RARB: variants seen among roughly 807,000 people sequenced by gnomAD.
RARB encodes retinoic acid receptor beta, also known as HBV-activated protein.
RARB carries 17 observed loss-of-function variants against 51.9 expected under a neutral mutation model. The ratio of observed to expected loss-of-function variants is 0.33; its 90% CI spans 0.22 to 0.49. RARB has a LOEUF of 0.49. RARB is among the 20% of genes least tolerant of loss of function. RARB has a pLI of 0.99. For missense variants in RARB, 369 were observed against 550.8 expected (o/e 0.67, Z 3.30); for synonymous variants, 215 against 195.4 (o/e 1.10, Z -0.84).
At chr3:25,510,639 A>G (rs572108010) in intron 3 of RARB, among the ~76,000 whole-genome samples, 11 of 152,204 alleles carry the variant, frequency 7.2e-5, no homozygotes, top group South Asian at 4.1e-4. Flanking sequence ...AAAAAAATCT[A>G]TAATTATGTG....
At chr3:24,979,594 T>C (rs2125424333) in intron 2 of RARB, among the ~76,000 whole-genome samples, 1 of 151,696 alleles carries the variant, frequency 6.6e-6, no homozygotes, top group East Asian at 2.0e-4. Flanking sequence ...TTGTTTTTTG[T>C]TTTTTGTTTT....
chr3:25,128,681 C>T (rs573682400), intron 3 of RARB, among the ~76,000 whole-genome samples: 48 of 151,618 alleles, frequency 3.2e-4, no homozygotes, highest in East Asian at 1.2e-3. Flanking sequence ...AAATGGTCCC[C>T]GTGTAGTTAT....
At chr3:25,405,774 G>T (rs1292279475) in intron 5 of RARB, among the ~76,000 whole-genome samples, 6 of 152,190 alleles carry the variant, frequency 3.9e-5, no homozygotes, top group Non-Finnish European at 7.3e-5. Flanking sequence ...ATCACAGAAA[G>T]TTTTATTGGA....
At chr3:25,367,152 C>A (rs1031531674) in intron 5 of RARB, among the ~76,000 whole-genome samples, 1 of 152,068 alleles carries the variant, frequency 6.6e-6, no homozygotes, top group Non-Finnish European at 1.5e-5. Context: ...GGAATAACAC[C>A]AGGAAAAGCA....
intron 4 of RARB, among the ~76,000 whole-genome samples, chr3:25,139,429 G>A (rs905920322): frequency 1.3e-5 from 2 of 152,164 alleles, no homozygotes; most frequent in South Asian, 4.1e-4. Context: ...AGTTTTAGTG[G>A]TGTGGATAGA....
At chr3:25,452,529 C>T (rs548966673) in intron 1 of RARB, among the ~76,000 whole-genome samples, 24 of 152,018 alleles carry the variant, frequency 1.6e-4, no homozygotes, top group Admixed American at 7.2e-4. Flanking sequence ...AAGTTATAAC[C>T]GTGAGTTAAA....
intron 5 of RARB, among the ~76,000 whole-genome samples, chr3:25,585,093 C>A (rs751975933): frequency 6.6e-6 from 1 of 152,078 alleles, no homozygotes; most frequent in East Asian, 1.9e-4. Flanking sequence ...AGCTGTGTGA[C>A]CTTGGGAAAG....
At chr3:25,471,049 G>A (rs1333225867) in intron 2 of RARB, among the ~76,000 whole-genome samples, 1 of 152,108 alleles carries the variant, frequency 6.6e-6, no homozygotes, top group Non-Finnish European at 1.5e-5. Context: ...GTATAATAAT[G>A]CAAATAGTAT....
chr3:25,446,052 G>A (rs748415071), intron 1 of RARB, among the ~76,000 whole-genome samples: 1 of 152,222 alleles, frequency 6.6e-6, no homozygotes, highest in Non-Finnish European at 1.5e-5. Context: ...ATGTGGGAAG[G>A]AATTTTAAAA....
At chr3:25,035,384 A>T (rs1211038627) in intron 2 of RARB, among the ~76,000 whole-genome samples, 2 of 147,468 alleles carry the variant, frequency 1.4e-5, no homozygotes, top group Non-Finnish European at 1.5e-5. Flanking sequence ...AGTCTCCCAA[A>T]GTGCTGGAAT....
At chr3:25,029,435 C>T (rs1457483850) in intron 2 of RARB, among the ~76,000 whole-genome samples, 1 of 152,232 alleles carries the variant, frequency 6.6e-6, no homozygotes, top group Non-Finnish European at 1.5e-5. Context: ...CTTGGCTCTA[C>T]TCTGCTTTGC....
At chr3:25,511,201 C>T (rs964025715) in intron 3 of RARB, among the ~76,000 whole-genome samples, 3 of 151,952 alleles carry the variant, frequency 2.0e-5, no homozygotes, top group Non-Finnish European at 2.9e-5. Context: ...GGCACGATCT[C>T]GGCTCACTGC....
intron 5 of RARB, among the ~76,000 whole-genome samples, chr3:25,326,065 A>T (rs964628913): frequency 7.2e-5 from 11 of 152,148 alleles, no homozygotes; most frequent in Non-Finnish European, 1.5e-4. Flanking sequence ...GAATTTCTTA[A>T]AGAGAGTTAC....
chr3:24,940,155 G>C (rs1272808299), intron 2 of RARB, among the ~76,000 whole-genome samples: 1 of 152,176 alleles, frequency 6.6e-6, no homozygotes, highest in Admixed American at 6.5e-5. Flanking sequence ...TCCTTTAAAT[G>C]GTGGCGGTGG....
At chr3:25,375,458 TATG>T (rs1463945423) in intron 5 of RARB, among the ~76,000 whole-genome samples, 1 of 152,194 alleles carries the variant, frequency 6.6e-6, no homozygotes, top group Non-Finnish European at 1.5e-5. Context: ...TTTGCAATAA[TATG>T]GTGATTGTGG....
At chr3:25,380,289 T>A (rs770671437) in intron 5 of RARB, among the ~76,000 whole-genome samples, 3 of 152,146 alleles carry the variant, frequency 2.0e-5, no homozygotes, top group Non-Finnish European at 4.4e-5. Flanking sequence ...TCGTCCATCC[T>A]CTTTCCCACT....
intron 5 of RARB, among the ~76,000 whole-genome samples, chr3:25,221,058 C>A (rs983131725): frequency 6.6e-6 from 1 of 151,982 alleles, no homozygotes; most frequent in Non-Finnish European, 1.5e-5. Flanking sequence ...TCTATTCTTT[C>A]TTACTTGTAA....
chr3:25,404,417 T>C (rs76404005), intron 5 of RARB, among the ~76,000 whole-genome samples: 2,598 of 152,330 alleles, frequency 0.017, 76 homozygotes, highest in African/African-American at 0.059. Flanking sequence ...GCCACCATTT[T>C]ACCCAAGAGT....
chr3:25,264,264 T>A (rs1357169266), intron 5 of RARB, among the ~76,000 whole-genome samples: 2 of 152,176 alleles, frequency 1.3e-5, no homozygotes, highest in Non-Finnish European at 2.9e-5. Flanking sequence ...GTGAACAACG[T>A]TAAATGGATA....
Sources: allele counts gnomAD v4.1 joint callset (sites outside exome capture counted in the v4.1 genomes callset), GRCh38; gene constraint gnomAD v4.1.1; transcripts MANE v1.5; gene names NCBI Gene and HGNC (gene_info 2026-07-23, HGNC 2026-07-21).